Variants in MBD5 observed in about 807,000 individuals in gnomAD.
MBD5 encodes methyl-CpG binding domain protein 5.
MBD5 carries 13 observed loss-of-function variants against 117.3 expected under a neutral mutation model. That is an observed-to-expected ratio of 0.11 (90% CI 0.07 to 0.18). The LOEUF (loss-of-function observed/expected upper bound fraction) is 0.18. Among genes scored for constraint, MBD5 ranks in the 10% least tolerant of loss-of-function variants. The pLI is 1.00. For synonymous variants in MBD5, 727 were observed against 766.4 expected, an observed-to-expected ratio of 0.95 and a Z score of 0.85; for missense variants, 1,879 against 2,093.8, an observed-to-expected ratio of 0.90 and a Z score of 2.00.
intron 4 of MBD5, among the ~76,000 whole-genome samples, chr2:148,435,423 T>A (rs1237851360): frequency 6.6e-6 from 1 of 152,304 alleles, no homozygotes; most frequent in East Asian, 1.9e-4. Context: ...GGACCTCTTA[T>A]AAGGCAGGTC....
chr2:148,186,785 A>C (rs1162242591), intron 2 of MBD5, among the ~76,000 whole-genome samples: 3 of 151,850 alleles, frequency 2.0e-5, no homozygotes, highest in Admixed American at 6.6e-5. Flanking sequence ...GACATGAAAA[A>C]GTAGGAAAAT....
chr2:148,096,525 T>C (rs1696073052), intron 1 of MBD5, among the ~76,000 whole-genome samples: 1 of 152,170 alleles, frequency 6.6e-6, no homozygotes. Context: ...ATACAACTAC[T>C]GAGTGAAGTG....
chr2:148,110,102 T>C (rs1195004921), intron 1 of MBD5, among the ~76,000 whole-genome samples: 2 of 152,200 alleles, frequency 1.3e-5, no homozygotes, highest in Non-Finnish European at 2.9e-5. Flanking sequence ...ATAGTAACAG[T>C]TACAATTTAC....
intron 4 of MBD5, among the ~76,000 whole-genome samples, chr2:148,397,469 A>G (rs951453483): frequency 2.0e-5 from 3 of 151,606 alleles, no homozygotes; most frequent in Non-Finnish European, 4.4e-5. Context: ...AGCTGGGACT[A>G]CAGATGCCCG....
intron 2 of MBD5, among the ~76,000 whole-genome samples, chr2:148,220,205 A>G (rs1431509571): frequency 6.6e-6 from 1 of 152,150 alleles, no homozygotes; most frequent in Non-Finnish European, 1.5e-5. Flanking sequence ...CCTTAAAAGA[A>G]GAGATAATTT....
intron 1 of MBD5, among the ~76,000 whole-genome samples, chr2:148,126,760 T>C (rs1020139179): frequency 6.6e-6 from 1 of 152,078 alleles, no homozygotes; most frequent in Admixed American, 6.5e-5. Context: ...GAATCTCTTA[T>C]CCAACATGTT....
intron 1 of MBD5, among the ~76,000 whole-genome samples, chr2:148,118,249 C>A (rs1037770312): frequency 6.6e-6 from 1 of 151,908 alleles, no homozygotes; most frequent in Non-Finnish European, 1.5e-5. Context: ...CAAAATGTGC[C>A]CCCCAAATTA....
intron 1 of MBD5, among the ~76,000 whole-genome samples, chr2:148,140,545 A>C (rs1697288105): frequency 6.6e-6 from 1 of 152,188 alleles, no homozygotes; most frequent in South Asian, 2.1e-4. Flanking sequence ...CTATAAAATA[A>C]AATAGGTGAT....
At chr2:148,512,842 T>C in intron 13 of MBD5, 28 bp from the exon 14 acceptor site, 1 of 1,589,918 alleles carries the variant, frequency 6.3e-7, no homozygotes, top group Non-Finnish European at 8.6e-7. Context: ...CTGTTGTTGT[T>C]GTTTTTTTTC....
intron 4 of MBD5, among the ~76,000 whole-genome samples, chr2:148,421,292 G>A (rs1022776432): frequency 6.6e-6 from 1 of 152,152 alleles, no homozygotes; most frequent in Admixed American, 6.5e-5. Flanking sequence ...AAGCAGGGTG[G>A]GGCATCGCCT....
intron 3 of MBD5, among the ~76,000 whole-genome samples, chr2:148,337,936 G>A (rs1035256077): frequency 4.6e-5 from 7 of 152,114 alleles, no homozygotes; most frequent in African/African-American, 1.4e-4. Context: ...TAGGCAGATG[G>A]TCTGAGTCCT....
intron 4 of MBD5, among the ~76,000 whole-genome samples, chr2:148,395,890 G>A (rs1006118893): frequency 6.6e-6 from 1 of 152,048 alleles, no homozygotes; most frequent in African/African-American, 2.4e-5. Context: ...AACAGGCTCC[G>A]GCAATCTCTA....
chr2:148,105,773 A>G (rs892255043), intron 1 of MBD5, among the ~76,000 whole-genome samples: 2 of 151,918 alleles, frequency 1.3e-5, no homozygotes, highest in Admixed American at 1.3e-4. Flanking sequence ...TTCTCCGATT[A>G]GTAACTTTCA....
intron 3 of MBD5, among the ~76,000 whole-genome samples, chr2:148,331,591 T>C (rs1177108328): frequency 6.6e-6 from 1 of 152,172 alleles, no homozygotes; most frequent in Non-Finnish European, 1.5e-5. Context: ...TATACTATTA[T>C]TCCTCACCAA....
At chr2:148,322,063 A>T (rs1284649533) in intron 3 of MBD5, among the ~76,000 whole-genome samples, 4 of 152,124 alleles carry the variant, frequency 2.6e-5, no homozygotes, top group Admixed American at 2.6e-4. Context: ...TCTACGCTAG[A>T]CTCCATAATA....
intron 4 of MBD5, among the ~76,000 whole-genome samples, chr2:148,445,796 C>G (rs185043216): frequency 2.0e-5 from 3 of 151,322 alleles, no homozygotes; most frequent in Non-Finnish European, 4.4e-5. Flanking sequence ...TCTCCAGCAC[C>G]TGTTGTTTTC....
chr2:148,074,777 C>A (rs1368017826), intron 1 of MBD5, among the ~76,000 whole-genome samples: 1 of 152,110 alleles, frequency 6.6e-6, no homozygotes, highest in Non-Finnish European at 1.5e-5. Flanking sequence ...GCTGGGATTA[C>A]AGGCGTGAGC....
At chr2:148,348,238 A>G (rs896938021) in intron 4 of MBD5, among the ~76,000 whole-genome samples, 4 of 151,738 alleles carry the variant, frequency 2.6e-5, no homozygotes, top group Non-Finnish European at 5.9e-5. Context: ...TTTTGCACAC[A>G]ACTTTAGCCC....
chr2:148,198,806 A>G (rs779677805), intron 2 of MBD5, among the ~76,000 whole-genome samples: 1 of 152,078 alleles, frequency 6.6e-6, no homozygotes, highest in Non-Finnish European at 1.5e-5. Flanking sequence ...TATGAGCTAT[A>G]TTAAACACAG....
Sources: allele counts gnomAD v4.1 joint callset (sites outside exome capture counted in the v4.1 genomes callset), GRCh38; gene constraint gnomAD v4.1.1; transcripts MANE v1.5; gene names NCBI Gene and HGNC (gene_info 2026-07-23, HGNC 2026-07-21).